Variants in KIF26B observed in about 807,000 individuals in gnomAD.
KIF26B encodes the protein kinesin-like protein KIF26B.
In KIF26B, 63 loss-of-function variants were observed where a neutral mutation model predicts 151.2. The observed-to-expected ratio is 0.42, with a 90% CI of 0.34 to 0.51. The LOEUF is 0.51. Among genes scored for constraint, KIF26B ranks in the 20% least tolerant of loss-of-function variants. The probability of loss-of-function intolerance (pLI) is 0.07; values close to 1 mark genes in which losing one functional copy is unlikely to be tolerated. For synonymous variants in KIF26B, 1,357 were observed against 1,262.1 expected (o/e 1.08, Z -1.59); for missense variants, 2,813 against 2,913.6 (o/e 0.97, Z 0.79).
intron 4 of KIF26B, among the ~76,000 whole-genome samples, chr1:245,498,934 T>G (rs572250300): frequency 6.6e-6 from 1 of 152,272 alleles, no homozygotes; most frequent in Non-Finnish European, 1.5e-5. Context: ...AATGGGAAGT[T>G]TTTTTGTGCA....
chr1:245,525,364 A>C (rs1003272862), intron 4 of KIF26B, among the ~76,000 whole-genome samples: 2 of 152,208 alleles, frequency 1.3e-5, no homozygotes, highest in East Asian at 3.8e-4. Context: ...TTTTAAATAC[A>C]GCATTGAACG....
Position 245,572,415 on chromosome 1 carries a change from G to A in KIF26B, c.1351-30162G>A, listed in dbSNP as rs1199290318. On this transcript the variant is annotated intron_variant, in intron 5 of 14. Transcript: ENST00000407071. This position sits in a 1 kb window ranked among gnomAD's most constrained non-coding sequence, Gnocchi z 4.2. ...CACTGGAGTAGGGTGGCTGGTTTGA[G>A]GGTGTGGCCCCGGGAAAGGTGGCAG... Among the ~76,000 whole-genome samples the A allele has an allele frequency of 6.6e-6, 1 of 152,092 alleles. No individual in the cohort carries two copies. Among genetic ancestry groups the A allele is most frequent in the African/African-American group, 2.4e-5 (1 of 41,404 alleles).
At chr1:245,232,805 G>A (rs1319654859) in intron 2 of KIF26B, among the ~76,000 whole-genome samples, 4 of 152,230 alleles carry the variant, frequency 2.6e-5, no homozygotes, top group African/African-American at 4.8e-5. Context: ...CCGCCTTGGC[G>A]TCCCAAACTG....
intron 5 of KIF26B, among the ~76,000 whole-genome samples, chr1:245,574,934 G>A (rs1313796645): frequency 6.3e-5 from 9 of 143,072 alleles, no homozygotes; most frequent in Non-Finnish European, 1.3e-4. Flanking sequence ...GCGCGATCTC[G>A]GCTCACTGCA....
chr1:245,253,193 G>C (rs1490862218), intron 2 of KIF26B, among the ~76,000 whole-genome samples: 3 of 151,690 alleles, frequency 2.0e-5, no homozygotes, highest in Admixed American at 2.0e-4. Flanking sequence ...ATTTTTAGTA[G>C]AGATGGGGTT....
chr1:245,612,089 TGTGTGTGTGTGTGTGTGAGAGAGA>T, intron 9 of KIF26B, 113 bp downstream of exon 9: 1 of 745,900 alleles, frequency 1.3e-6, no homozygotes, highest in South Asian at 1.9e-5. Context: ...TGTGTGTGTG[TGTGTGTGTGTGTGTGTGAGAGAGA>T]GAGAGAGAGA....
At chr1:245,220,558 C>G (rs187907237) in intron 2 of KIF26B, among the ~76,000 whole-genome samples, 3 of 152,020 alleles carry the variant, frequency 2.0e-5, no homozygotes, top group Non-Finnish European at 2.9e-5. Flanking sequence ...TCAGGCACCC[C>G]GAAGGAGTAA....
intron 2 of KIF26B, among the ~76,000 whole-genome samples, chr1:245,293,425 C>T (rs1255176130): frequency 2.0e-5 from 3 of 152,042 alleles, no homozygotes; most frequent in East Asian, 1.9e-4. Flanking sequence ...GCTCCTGACA[C>T]AAATGAACAA....
At chr1:245,548,099 T>C (rs1027132422) in intron 5 of KIF26B, among the ~76,000 whole-genome samples, 2 of 152,174 alleles carry the variant, frequency 1.3e-5, no homozygotes, top group African/African-American at 4.8e-5. Context: ...TATGTGTACA[T>C]ATACTCCACA....
rs1466015125 is a variant in KIF26B at position 245,647,440 on chromosome 1, AAAAGAAAAAAAAG to A, written c.2258+1164_2258+1176del. ...ACTCCTTCTCAAAAAAAAAAAAAAA[AAAAGAAAAAAAAG>A]AAAATTTATTGTAGAATTTAGGACA... is the stretch of plus-strand genomic sequence containing the variant. On this transcript the variant is annotated intron_variant, in intron 10 of 14. Coordinates refer to ENST00000407071, the MANE Select transcript of KIF26B (RefSeq NM_018012.4). Among the ~76,000 whole-genome samples the A allele has an allele frequency of 3.3e-3, 492 of 150,996 alleles. 2 individuals are homozygous for A. The highest frequency in any genetic ancestry group is 0.011 in the African/African-American group (455 of 41,192).
At chr1:245,664,472 C>T (rs1281310911) in intron 10 of KIF26B, among the ~76,000 whole-genome samples, 1 of 152,010 alleles carries the variant, frequency 6.6e-6, no homozygotes, top group Non-Finnish European at 1.5e-5. Flanking sequence ...ACACACCTCT[C>T]CTTCTTTTAA....
At chr1:245,385,512 G>A (rs997939583) in intron 3 of KIF26B, among the ~76,000 whole-genome samples, 4 of 152,222 alleles carry the variant, frequency 2.6e-5, no homozygotes, top group Non-Finnish European at 5.9e-5. Context: ...GTAGTACCCT[G>A]AATGTACATG....
At chr1:245,163,101 G>C (rs1461903586) in intron 2 of KIF26B, among the ~76,000 whole-genome samples, 1 of 152,084 alleles carries the variant, frequency 6.6e-6, no homozygotes, top group Non-Finnish European at 1.5e-5. Flanking sequence ...ATTAATTGAA[G>C]ATACCACCAT....
At chr1:245,221,795 C>A (rs930702173) in intron 2 of KIF26B, among the ~76,000 whole-genome samples, 4 of 152,196 alleles carry the variant, frequency 2.6e-5, no homozygotes, top group African/African-American at 9.7e-5. Flanking sequence ...TTGTGAGATT[C>A]AGTTCTGAGT....
intron 2 of KIF26B, among the ~76,000 whole-genome samples, chr1:245,190,448 C>G (rs564894902): frequency 9.9e-5 from 15 of 152,190 alleles, no homozygotes; most frequent in African/African-American, 3.6e-4. Context: ...GCAGCAGCCT[C>G]ACAGGTGCCC....
rs143643691 is a variant in KIF26B at position 245,376,599 on chromosome 1, A to G, written c.999+9232A>G. The stretch of plus-strand genomic sequence containing the variant: ...GGAAGAGAACAATGAATGTGTGTGG[A>G]TAGATGAGTGATAGGCTGAGAGACA... On this transcript the variant is annotated intron_variant, in intron 3 of 14. Coordinates refer to ENST00000407071, the MANE Select transcript of KIF26B (RefSeq NM_018012.4). Among the ~76,000 whole-genome samples the G allele has an allele frequency of 3.3e-4, 50 of 152,326 alleles. 1 individual carries two copies. The East Asian group carries it at 8.3e-3, about 25-fold the overall frequency.
intron 4 of KIF26B, among the ~76,000 whole-genome samples, chr1:245,434,071 T>G (rs929579620): frequency 3.3e-5 from 5 of 152,180 alleles, no homozygotes; most frequent in Non-Finnish European, 7.3e-5. Context: ...TAAATGTGGC[T>G]CATTTTTCTC....
At chr1:245,700,959 T>C (rs1264601883) in intron 14 of KIF26B, among the ~76,000 whole-genome samples, 1 of 152,260 alleles carries the variant, frequency 6.6e-6, no homozygotes, top group Non-Finnish European at 1.5e-5. Flanking sequence ...ATTTTTGCTA[T>C]TTTCATTAAC....
chr1:245,472,271 C>A (rs1166126455), intron 4 of KIF26B, among the ~76,000 whole-genome samples: 1 of 152,186 alleles, frequency 6.6e-6, no homozygotes, highest in Non-Finnish European at 1.5e-5. Flanking sequence ...GTTCTCACCA[C>A]GTATTTATTG....
Sources: allele counts gnomAD v4.1 joint callset (sites outside exome capture counted in the v4.1 genomes callset), GRCh38; gene constraint gnomAD v4.1.1; non-coding constraint Gnocchi (gnomAD v3.1); transcripts MANE v1.5; gene names NCBI Gene and HGNC (gene_info 2026-07-23, HGNC 2026-07-21).